The following OLFM2 variants were observed in gnomAD, a reference collection of about 807,000 sequenced individuals.
The protein encoded by OLFM2 is noelin-2.
OLFM2 carries 20 observed loss-of-function variants against 43.9 expected under a neutral mutation model. That is an observed-to-expected ratio of 0.46 (90% CI 0.32 to 0.66). OLFM2 has a LOEUF of 0.66. OLFM2 is among the 30% of genes least tolerant of loss of function. OLFM2 has a pLI of 0.04. For synonymous variants in OLFM2, 268 were observed against 278.6 expected, an observed-to-expected ratio of 0.96 and a Z score of 0.38; for missense variants, 416 against 643.6, an observed-to-expected ratio of 0.65 and a Z score of 3.83.
intron 1 of OLFM2, among the ~76,000 whole-genome samples, chr19:9,896,858 T>C (rs1256708965): frequency 1.3e-5 from 2 of 152,156 alleles, no homozygotes; most frequent in South Asian, 2.1e-4. Flanking sequence ...GTCTGTTTGG[T>C]TGAATATAAT....
intron 2 of OLFM2, among the ~76,000 whole-genome samples, chr19:9,858,388 C>A (rs1211495794): frequency 1.3e-5 from 2 of 152,100 alleles, no homozygotes; most frequent in Non-Finnish European, 1.5e-5. Context: ...TCAGCTCCAG[C>A]GTCCCCCACT....
At chr19:9,860,614 G>C in intron 2 of OLFM2, 31 bp downstream of exon 2, 1 of 1,559,340 alleles carries the variant, frequency 6.4e-7, no homozygotes, top group Non-Finnish European at 8.7e-7. Flanking sequence ...GATTTTCCCA[G>C]CTGCCCCCAG....
intron 1 of OLFM2, among the ~76,000 whole-genome samples, chr19:9,921,017 A>G (rs1233305319): frequency 1.3e-5 from 2 of 152,192 alleles, no homozygotes; most frequent in Admixed American, 6.5e-5. Flanking sequence ...CATGTTCCAG[A>G]CACCATTTGC....
At chr19:9,936,249 GCCCCCCTCCTCTC>G in intron 1 of OLFM2, 42 bp downstream of exon 1, 1 of 1,512,976 alleles carries the variant, frequency 6.6e-7, no homozygotes, top group East Asian at 2.5e-5. Context: ...AACCCTCCGC[GCCCCCCTCCTCTC>G]CCGGAGCCAC....
chr19:9,876,536 G>A (rs1284690458), intron 1 of OLFM2, among the ~76,000 whole-genome samples: 2 of 152,150 alleles, frequency 1.3e-5, no homozygotes, highest in Non-Finnish European at 2.9e-5. Flanking sequence ...CCCTGCGGGT[G>A]GCAAGTCCAC....
rs1046407899 is a variant in OLFM2, at chr19:9,887,067, A to G, written c.64-26273T>C. ...TCACTTTGTTCATTGCTGTGTCCTC[A>G]AAACAGAACAGTGCCTGGCACGCAG... On this transcript the variant is annotated intron_variant, in intron 1 of 5. Transcript: ENST00000264833. Among the ~76,000 whole-genome samples, 46 of 152,342 alleles carry G rather than the reference A, an allele frequency of 3.0e-4. 1 individual carries two copies. Among genetic ancestry groups the G allele is most frequent in the Middle Eastern group, 3.4e-3 (1 of 294 alleles).
At position 9,854,025 on chromosome 19, in the gene OLFM2, TAGAC is replaced by T. The variant is rs945734630; in HGVS notation, c.*157_*160del. ...AGGAGAAGAGGGGAAATTGAAAAAA[TAGAC>T]AGAAATACATAGGCAGAGAACAAAA... On this transcript the variant is annotated 3_prime_UTR_variant, in exon 6 of 6. Coordinates refer to ENST00000264833, the MANE Select transcript of OLFM2 (RefSeq NM_058164.4). This position sits in a 1 kb window ranked among gnomAD's most constrained non-coding sequence, Gnocchi z 9.5. The T allele has an allele frequency of 3.7e-5, 23 of 628,568 alleles. No individual in the cohort carries two copies. The highest frequency in any genetic ancestry group is 7.9e-5 in the South Asian group (4 of 50,340). 38.9% of individuals were successfully genotyped at this position (628,568 alleles called of 1,614,324 possible).
intron 1 of OLFM2, among the ~76,000 whole-genome samples, chr19:9,922,176 CAG>C (rs1414130287): frequency 6.6e-6 from 1 of 151,562 alleles, no homozygotes; most frequent in East Asian, 1.9e-4. Flanking sequence ...AGAAAAGCTA[CAG>C]AGAAGATATT....
chr19:9,913,701 A>G (rs2046849092), intron 1 of OLFM2: 3 of 1,049,800 alleles, frequency 2.9e-6, no homozygotes, highest in Non-Finnish European at 1.1e-6. Context: ...CTCGACACCC[A>G]GGCGCCCCGG....
intron 1 of OLFM2, among the ~76,000 whole-genome samples, chr19:9,875,368 G>A (rs970339219): frequency 3.3e-5 from 5 of 152,166 alleles, no homozygotes; most frequent in East Asian, 1.9e-4. Flanking sequence ...AGGGAAGAGC[G>A]AGGGTTCTGG....
Position 9,876,240 on chromosome 19 carries a change from G to A in OLFM2, c.64-15446C>T, listed in dbSNP as rs183150223. Among the ~76,000 whole-genome samples, 6 of 152,300 alleles carry A rather than the reference G, an allele frequency of 3.9e-5. No individual in the cohort carries two copies. In the East Asian group the frequency reaches 5.8e-4, roughly 15 times the overall value. ...GCTGGGGCTGGGCGCTTTGGCCGGGGATGGATTTCTGAAATCAATCCGTCC... is the reference window on the plus strand; with the variant it reads ...GCTGGGGCTGGGCGCTTTGGCCGGGAATGGATTTCTGAAATCAATCCGTCC... On this transcript the variant is annotated intron_variant, in intron 1 of 5. Coordinates refer to ENST00000264833, the MANE Select transcript of OLFM2 (RefSeq NM_058164.4).
intron 1 of OLFM2, among the ~76,000 whole-genome samples, chr19:9,912,706 G>A (rs1396477277): frequency 6.6e-6 from 1 of 151,990 alleles, no homozygotes; most frequent in Non-Finnish European, 1.5e-5. Flanking sequence ...CTCAAAGGGG[G>A]ATGGGATGGG....
Position 9,936,399 on chromosome 19 carries a change from C to T in OLFM2, c.-33G>A. 2 of 1,350,744 alleles carry T rather than the reference C, an allele frequency of 1.5e-6. No individual in the cohort carries two copies. Among genetic ancestry groups the T allele is most frequent in the Non-Finnish European group, 1.9e-6 (2 of 1,051,476 alleles). 83.7% of individuals were successfully genotyped at this position (1,350,744 alleles called of 1,614,324 possible). On this transcript the variant is annotated 5_prime_UTR_variant, in exon 1 of 6. Coordinates refer to ENST00000264833, the MANE Select transcript of OLFM2 (RefSeq NM_058164.4). The stretch of plus-strand genomic sequence containing the variant: ...CCCTAGCCCGGCGTCCCGACCCCCG[C>T]CCGCCCTAGCGGCGCCTCGGCGCGG...
rs142065510 is a variant in OLFM2, at chr19:9,875,833, C to T, written c.64-15039G>A. On this transcript the variant is annotated intron_variant, in intron 1 of 5. Coordinates refer to ENST00000264833, the MANE Select transcript of OLFM2 (RefSeq NM_058164.4). ...TGAATTAGCAGTTTTATTTCCTGTC[C>T]CTCTGAATAGCTCAATAGCTACCAC... 6.3e-3 allele frequency among the ~76,000 whole-genome samples: 962 copies of T among 152,026 alleles called. 8 individuals are homozygous for T. Among genetic ancestry groups the T allele is most frequent in the Non-Finnish European group, 9.0e-3 (609 of 67,990 alleles).
chr19:9,924,223 G>A (rs1025167426), intron 1 of OLFM2, among the ~76,000 whole-genome samples: 3 of 143,272 alleles, frequency 2.1e-5, no homozygotes, highest in Non-Finnish European at 4.5e-5. Context: ...ATCCTAACAC[G>A]GTGAAACCCC....
intron 1 of OLFM2, among the ~76,000 whole-genome samples, chr19:9,919,148 G>C (rs2086403449): frequency 6.6e-6 from 1 of 151,570 alleles, no homozygotes; most frequent in African/African-American, 2.4e-5. Flanking sequence ...ACCAGCCTGG[G>C]CAACGCAGTG....
intron 1 of OLFM2, among the ~76,000 whole-genome samples, chr19:9,915,753 C>T (rs994725050): frequency 2.6e-5 from 4 of 151,584 alleles, no homozygotes; most frequent in Non-Finnish European, 4.4e-5. Context: ...CTCCTGACTT[C>T]GTGATCTGCC....
At chr19:9,914,178 G>A (rs917148333) in intron 1 of OLFM2, among the ~76,000 whole-genome samples, 4 of 151,852 alleles carry the variant, frequency 2.6e-5, no homozygotes, top group African/African-American at 7.3e-5. Flanking sequence ...GCGTAAAGGC[G>A]CCCTCGGCCC....
intron 1 of OLFM2, among the ~76,000 whole-genome samples, chr19:9,881,426 G>A (rs1024255660): frequency 2.0e-5 from 3 of 152,140 alleles, no homozygotes; most frequent in South Asian, 2.1e-4. Context: ...TTCCAAGGGC[G>A]TGCATGTGAG....
Sources: gnomAD v4.1 joint callset for allele counts (sites outside exome capture counted in the v4.1 genomes callset) on GRCh38, gnomAD v4.1.1 for gene constraint, Gnocchi (gnomAD v3.1) non-coding constraint, MANE v1.5 for transcripts, NCBI Gene and HGNC (gene_info 2026-07-23, HGNC 2026-07-21) for gene names.